Variants in DAB1 observed in about 807,000 individuals in gnomAD.
DAB1 encodes the protein disabled homolog 1.
DAB1 carries 15 observed loss-of-function variants against 64.6 expected under a neutral mutation model. That is an observed-to-expected ratio of 0.23 (90% CI 0.16 to 0.36). DAB1 has a LOEUF of 0.36. Among genes scored for constraint, DAB1 ranks in the 10% least tolerant of loss-of-function variants. The probability of loss-of-function intolerance (pLI) is 1.00; values close to 1 mark genes in which losing one functional copy is unlikely to be tolerated. For missense variants in DAB1, 596 were observed against 706.7 expected, an observed-to-expected ratio of 0.84 and a Z score of 1.78; for synonymous variants, 235 against 251.9, an observed-to-expected ratio of 0.93 and a Z score of 0.64.
intron 3 of DAB1, among the ~76,000 whole-genome samples, chr1:57,142,573 G>A (rs1394301408): frequency 6.7e-6 from 1 of 150,084 alleles, no homozygotes; most frequent in African/African-American, 2.5e-5. Flanking sequence ...TATAAGAGGT[G>A]ACAGATGGAG....
chr1:57,511,191 C>G (rs1644401140), intron 7 of DAB1, among the ~76,000 whole-genome samples: 4 of 152,156 alleles, frequency 2.6e-5, no homozygotes, highest in African/African-American at 7.2e-5. Flanking sequence ...AGATAGAAAT[C>G]TAATTGTGCC....
chr1:57,872,444 T>C (rs988412761), intron 1 of DAB1, among the ~76,000 whole-genome samples: 4 of 152,232 alleles, frequency 2.6e-5, no homozygotes, highest in African/African-American at 9.6e-5. Context: ...AGCCTTGATC[T>C]TGGAATTCCC....
At chr1:57,483,848 A>G (rs542671514) in intron 7 of DAB1, among the ~76,000 whole-genome samples, 2 of 152,296 alleles carry the variant, frequency 1.3e-5, no homozygotes, top group East Asian at 3.9e-4. Flanking sequence ...ACCAGGCATT[A>G]TCCTAGACAC....
At chr1:57,468,503 A>C (rs1036995028) in intron 7 of DAB1, among the ~76,000 whole-genome samples, 2 of 152,192 alleles carry the variant, frequency 1.3e-5, no homozygotes, top group Admixed American at 1.3e-4. Context: ...GAAATAGAAA[A>C]GATCTGATCT....
chr1:57,799,062 A>T (rs912076014), intron 6 of DAB1, among the ~76,000 whole-genome samples: 2 of 152,222 alleles, frequency 1.3e-5, no homozygotes, highest in African/African-American at 2.4e-5. Context: ...GGCTCTGTTA[A>T]ATACTAGCTG....
At chr1:57,201,870 G>T (rs1468966501) in intron 2 of DAB1, among the ~76,000 whole-genome samples, 1 of 151,928 alleles carries the variant, frequency 6.6e-6, no homozygotes, top group Non-Finnish European at 1.5e-5. Context: ...GATGAAGGAT[G>T]AATGAATAAA....
chr1:57,862,559 A>G (rs941226711), intron 1 of DAB1: 10 of 152,236 alleles, frequency 6.6e-5, no homozygotes, highest in Admixed American at 3.3e-4. Flanking sequence ...AAAAAGATTT[A>G]TGTGAACTTC....
intron 7 of DAB1, among the ~76,000 whole-genome samples, chr1:57,582,763 TG>T (rs1406123664): frequency 6.6e-6 from 1 of 152,224 alleles, no homozygotes; most frequent in Admixed American, 6.5e-5. Flanking sequence ...GACAAGATCC[TG>T]ACTTGGTTTA....
intron 1 of DAB1, among the ~76,000 whole-genome samples, chr1:57,357,001 C>T (rs1679162549): frequency 6.6e-6 from 1 of 151,868 alleles, no homozygotes; most frequent in Non-Finnish European, 1.5e-5. Context: ...CAATAATGAC[C>T]CTATCCTATA....
At position 57,136,450 on chromosome 1, in the gene DAB1, T is replaced by G. The variant is rs1429498022; in HGVS notation, c.306+93A>C. On this transcript the variant is annotated intron_variant, in intron 4 of 14. Transcript: ENST00000371236. ...TCAGTTGCTTTATGTGTTTTTATGCTTGTTGTATATTCCTGCCCAGAGAGT... is the reference window on the plus strand; with the variant it reads ...TCAGTTGCTTTATGTGTTTTTATGCGTGTTGTATATTCCTGCCCAGAGAGT... 3 of 623,178 alleles carry G rather than the reference T, an allele frequency of 4.8e-6. No homozygotes were observed. In the East Asian group the frequency reaches 8.7e-5, roughly 18 times the overall value. The allele number at this position is 623,178 out of a possible 1,614,324, so 38.6% of individuals were successfully genotyped here. A position where few individuals can be genotyped will look rare whatever the true frequency, so the allele number is the denominator to read the frequency against.
chr1:57,372,260 A>T (rs1278082653), intron 1 of DAB1, among the ~76,000 whole-genome samples: 2 of 152,158 alleles, frequency 1.3e-5, no homozygotes, highest in Admixed American at 1.3e-4. Flanking sequence ...ATACCTCCTG[A>T]TTCACAAGGG....
chr1:57,481,262 C>T (rs777345160), intron 7 of DAB1, among the ~76,000 whole-genome samples: 37 of 152,270 alleles, frequency 2.4e-4, no homozygotes, highest in Non-Finnish European at 4.4e-4. Flanking sequence ...TACCCACAAC[C>T]TAGATTCTTC....
At chr1:58,091,220 T>C (rs1441893592) in intron 5 of DAB1, among the ~76,000 whole-genome samples, 1 of 152,216 alleles carries the variant, frequency 6.6e-6, no homozygotes, top group Admixed American at 6.5e-5. Flanking sequence ...TCGTTAGTTT[T>C]ATTTATTACC....
At chr1:57,323,864 A>T (rs563328428) in intron 1 of DAB1, among the ~76,000 whole-genome samples, 14 of 152,032 alleles carry the variant, frequency 9.2e-5, no homozygotes, top group Non-Finnish European at 2.1e-4. Context: ...GAAAAGAGGA[A>T]TGTTTCCGAG....
chr1:58,274,671 A>C (rs1037263478), intron 4 of DAB1, among the ~76,000 whole-genome samples: 12 of 152,182 alleles, frequency 7.9e-5, no homozygotes, highest in African/African-American at 2.9e-4. Context: ...CCGTGGGCGT[A>C]GGACCCTCAG....
rs1666189147 is a variant in DAB1, at chr1:57,213,503, C to CA, written c.68-68075dup. Among the ~76,000 whole-genome samples the CA allele has an allele frequency of 2.0e-5, 3 of 151,708 alleles. No homozygotes were observed. In the South Asian group the frequency reaches 6.3e-4, roughly 32 times the overall value. On this transcript the variant is annotated intron_variant, in intron 2 of 14. Coordinates refer to ENST00000371236, the MANE Select transcript of DAB1 (RefSeq NM_001365792.1). Reference sequence around the variant, plus strand: ...GGGCAGATCTAGAAAAAGAATGATCCAAAAAACACTTTCCCTACAGTTCAT... The same window carrying CA: ...GGGCAGATCTAGAAAAAGAATGATCCAAAAAAACACTTTCCCTACAGTTCAT...
rs1367313791 is a variant in DAB1, at chr1:57,084,235, C to A, written c.307-11821G>T. On this transcript the variant is annotated intron_variant, in intron 4 of 14. Transcript: ENST00000371236. ...CTTATAAAAGAAGGAAATCTGGGCA[C>A]AGACATGTATATGGAGAGAAGGCCA... 1.1e-3 allele frequency among the ~76,000 whole-genome samples: 173 copies of A among 152,292 alleles called. 2 individuals carry two copies. Among genetic ancestry groups the A allele is most frequent in the African/African-American group, 3.8e-3 (160 of 41,564 alleles).
chr1:58,375,980 G>A (rs1644320561), intron 3 of DAB1, among the ~76,000 whole-genome samples: 1 of 148,898 alleles, frequency 6.7e-6, no homozygotes, highest in South Asian at 2.1e-4. Context: ...AGAGGTGTTT[G>A]CAGTATTCTC....
At position 57,176,563 on chromosome 1, in the gene DAB1, T is replaced by C. The variant is rs1281231408; in HGVS notation, c.68-31134A>G. Among the ~76,000 whole-genome samples, 3 of 152,206 alleles carry C rather than the reference T, an allele frequency of 2.0e-5. No individual in the cohort carries two copies. The East Asian group carries it at 5.8e-4, about 29-fold the overall frequency. The stretch of plus-strand genomic sequence containing the variant: ...GGACACAGCCAAACTGAATCATATA[T>C]TAAACGAAAACCCCTCCACCATAAT... On this transcript the variant is annotated intron_variant, in intron 2 of 14. Coordinates refer to ENST00000371236, the MANE Select transcript of DAB1 (RefSeq NM_001365792.1).
Sources: gnomAD v4.1 joint callset for allele counts (sites outside exome capture counted in the v4.1 genomes callset) on GRCh38, gnomAD v4.1.1 for gene constraint, MANE v1.5 for transcripts, NCBI Gene and HGNC (gene_info 2026-07-23, HGNC 2026-07-21) for gene names.